DCAF8L2: variants seen among roughly 807,000 people sequenced by gnomAD.
DCAF8L2 encodes DDB1 and CUL4 associated factor 8 like 2.
For synonymous variants in DCAF8L2, 200 were observed against 190.9 expected (o/e 1.05, Z -0.39); for missense variants, 430 against 490.7 (o/e 0.88, Z 1.17).
At chrX:27,536,985 C>A in the DCAF8L2 span, among the ~76,000 whole-genome samples, 2 of 112,323 alleles carry the variant, frequency 1.8e-5, no homozygotes, top group Non-Finnish European at 3.8e-5. Flanking sequence ...TTCTCGTACC[C>A]TCTCCCAAAA....
At chrX:27,646,770 A>G (rs1189149588) in intron 2 of DCAF8L2, among the ~76,000 whole-genome samples, 1 of 111,425 alleles carries the variant, frequency 9.0e-6, no homozygotes, top group Non-Finnish European at 1.9e-5. Context: ...GCTACTTCTC[A>G]AAAAAAAGAC....
At chrX:27,648,658 TC>T (rs1404375279) in intron 2 of DCAF8L2, among the ~76,000 whole-genome samples, 1 of 110,586 alleles carries the variant, frequency 9.0e-6, no homozygotes, top group African/African-American at 3.3e-5. Flanking sequence ...AATATAGTTT[TC>T]TTACAATTTT....
intron 1 of DCAF8L2, among the ~76,000 whole-genome samples, chrX:27,610,848 G>A (rs1353573478): frequency 8.9e-6 from 1 of 112,479 alleles, no homozygotes; most frequent in Non-Finnish European, 1.9e-5. Flanking sequence ...AGTACTAACC[G>A]TGATTGCAGG....
chrX:27,577,014 A>T, the DCAF8L2 span, among the ~76,000 whole-genome samples: 1 of 112,094 alleles, frequency 8.9e-6, no homozygotes, highest in Non-Finnish European at 1.9e-5. Context: ...TACATTTATC[A>T]TGATCTCCAT....
the DCAF8L2 span, among the ~76,000 whole-genome samples, chrX:27,491,449 T>C: frequency 8.9e-6 from 1 of 112,462 alleles, no homozygotes; most frequent in South Asian, 3.6e-4. Flanking sequence ...ATGTCTAAAT[T>C]AGTGCCAGTA....
chrX:27,489,174 T>C, the DCAF8L2 span, among the ~76,000 whole-genome samples: 1 of 112,106 alleles, frequency 8.9e-6, no homozygotes, highest in Non-Finnish European at 1.9e-5. Context: ...CTTGGCTCAC[T>C]GCAAGCTCTG....
At chrX:27,493,706 CAAAAA>C in the DCAF8L2 span, among the ~76,000 whole-genome samples, 1 of 18,395 alleles carries the variant, frequency 5.4e-5, no homozygotes, top group African/African-American at 1.4e-4. Context: ...AACTCCATCT[CAAAAA>C]AAAAAAAAAA....
chrX:27,686,935 A>T (rs1930530861), intron 3 of DCAF8L2, among the ~76,000 whole-genome samples: 1 of 112,234 alleles, frequency 8.9e-6, no homozygotes, highest in Non-Finnish European at 1.9e-5. Context: ...TGCAGTTCAC[A>T]ATAGGGTTCA....
At chrX:27,511,146 TACAGTTTTAAA>T in the DCAF8L2 span, among the ~76,000 whole-genome samples, 1 of 111,234 alleles carries the variant, frequency 9.0e-6, no homozygotes, top group Non-Finnish European at 1.9e-5. Flanking sequence ...TACTGTACCA[TACAGTTTTAAA>T]ATGTCAATTA....
intron 3 of DCAF8L2, among the ~76,000 whole-genome samples, chrX:27,697,359 GTTGT>G (rs1486146810): frequency 1.8e-5 from 2 of 111,656 alleles, no homozygotes; most frequent in Non-Finnish European, 3.8e-5. Flanking sequence ...TTTACATAAA[GTTGT>G]TTATGTTTCC....
chrX:27,733,079 G>A (rs930975424), intron 4 of DCAF8L2, among the ~76,000 whole-genome samples: 4 of 110,523 alleles, frequency 3.6e-5, no homozygotes, highest in Admixed American at 9.7e-5. Context: ...GGATGGTCTC[G>A]ATCTCCTGAT....
the DCAF8L2 span, among the ~76,000 whole-genome samples, chrX:27,572,110 C>G: frequency 8.9e-6 from 1 of 111,835 alleles, no homozygotes; most frequent in African/African-American, 3.2e-5. Context: ...AACACAATCC[C>G]CTTTTCTTTC....
chrX:27,496,206 T>C, the DCAF8L2 span, among the ~76,000 whole-genome samples: 10 of 112,048 alleles, frequency 8.9e-5, no homozygotes, highest in African/African-American at 3.2e-4. Context: ...TTTCAGATTA[T>C]ACATTGTTAT....
chrX:27,673,714 TAC>T (rs755572536), intron 2 of DCAF8L2, among the ~76,000 whole-genome samples: 5 of 108,549 alleles, frequency 4.6e-5, no homozygotes, highest in African/African-American at 6.7e-5. Context: ...TATATATATA[TAC>T]ACACACACAT....
At chrX:27,696,911 G>A (rs1162733704) in intron 3 of DCAF8L2, among the ~76,000 whole-genome samples, 1 of 111,400 alleles carries the variant, frequency 9.0e-6, no homozygotes, top group African/African-American at 3.3e-5. Context: ...TTTTTTTATT[G>A]TAGAATAATA....
At chrX:27,476,498 T>C in the DCAF8L2 span, among the ~76,000 whole-genome samples, 4 of 111,489 alleles carry the variant, frequency 3.6e-5, no homozygotes, top group Non-Finnish European at 7.5e-5. Context: ...AGGGCATATT[T>C]AGGGGGAAAG....
chrX:27,475,320 A>G, the DCAF8L2 span, among the ~76,000 whole-genome samples: 1 of 112,119 alleles, frequency 8.9e-6, no homozygotes, highest in African/African-American at 3.2e-5. Context: ...TTTAGTTACT[A>G]ATTCACTTTT....
the DCAF8L2 span, among the ~76,000 whole-genome samples, chrX:27,521,691 CTAA>C: frequency 9.8e-5 from 11 of 111,813 alleles, no homozygotes; most frequent in Admixed American, 1.9e-4. Flanking sequence ...AAATGAAAAA[CTAA>C]TGTCTTATTT....
At chrX:27,533,258 A>ATC in the DCAF8L2 span, among the ~76,000 whole-genome samples, 31 of 102,377 alleles carry the variant, frequency 3.0e-4, 1 homozygote, top group Non-Finnish European at 5.8e-4. Flanking sequence ...GAAAGAAAGA[A>ATC]AGTCAAGCCT....
Sources: allele counts gnomAD v4.1 joint callset (sites outside exome capture counted in the v4.1 genomes callset), GRCh38; gene constraint gnomAD v4.1.1; transcripts MANE v1.5; gene names NCBI Gene and HGNC (gene_info 2026-07-23, HGNC 2026-07-21).